Variants in SCIN observed in about 807,000 individuals in gnomAD.
The protein encoded by SCIN is adseverin.
In SCIN, 91 loss-of-function variants were observed where a neutral mutation model predicts 91.8. The observed-to-expected ratio is 0.99, with a 90% CI of 0.84 to 1.18. The LOEUF is 1.18. Among genes scored for constraint, SCIN ranks in the 50% most tolerant of loss-of-function variants. The pLI is 0.00. For synonymous variants in SCIN, 367 were observed against 312.6 expected, an observed-to-expected ratio of 1.17 and a Z score of -1.84; for missense variants, 1,087 against 863.9, an observed-to-expected ratio of 1.26 and a Z score of -3.24.
intron 13 of SCIN, among the ~76,000 whole-genome samples, chr7:12,648,389 C>A (rs760075212): frequency 6.6e-6 from 1 of 151,476 alleles, no homozygotes; most frequent in Non-Finnish European, 1.5e-5. Flanking sequence ...CTCCACCTCC[C>A]AGGTTCAAGC....
At chr7:12,580,084 A>G (rs1366643148) in intron 2 of SCIN, among the ~76,000 whole-genome samples, 1 of 152,100 alleles carries the variant, frequency 6.6e-6, no homozygotes, top group Admixed American at 6.6e-5. Flanking sequence ...AATCTATACC[A>G]ACTTTTATTG....
chr7:12,593,085 C>T (rs1266904508), intron 3 of SCIN, among the ~76,000 whole-genome samples: 1 of 152,216 alleles, frequency 6.6e-6, no homozygotes, highest in Non-Finnish European at 1.5e-5. Flanking sequence ...GACAGTCAGA[C>T]TTCCAGTGCC....
chr7:12,628,388 T>G lies in SCIN; in HGVS notation c.1198-713T>G, dbSNP rs374835461. On this transcript the variant is annotated intron_variant, in intron 8 of 15. Transcript: ENST00000297029. ...AGTCTGGAGGCTGGGGAGTCTAAGC[T>G]CAAGGTTTTGATGGGCTCAGTGTTT... Among the ~76,000 whole-genome samples the G allele has an allele frequency of 3.3e-5, 5 of 152,256 alleles. No individual in the cohort carries two copies. In the East Asian group the frequency reaches 5.8e-4, roughly 18 times the overall value.
intron 3 of SCIN, 50 bp downstream of exon 3, chr7:12,581,271 CG>C: frequency 6.6e-7 from 1 of 1,510,034 alleles, no homozygotes; most frequent in South Asian, 1.2e-5. Context: ...GAATTGCTTT[CG>C]GATCAAATCA....
At position 12,651,745 on chromosome 7, in the gene SCIN, T is replaced by G; in HGVS notation, c.1960-96T>G. ...TAACTTCTGCGGATATTGTGAAGAT[T>G]GAATGAGCAATGTGTGTGTGAAGCA... On this transcript the variant is annotated intron_variant, in intron 14 of 15. Transcript: ENST00000297029. This position sits in a 1 kb window ranked among gnomAD's most constrained non-coding sequence, Gnocchi z 5.9. 1 of 734,360 alleles carries G rather than the reference T, an allele frequency of 1.4e-6. No individual in the cohort carries two copies. The highest frequency in any genetic ancestry group is 2.3e-6 in the Non-Finnish European group (1 of 438,388). The allele number at this position is 734,360 out of a possible 1,614,324, so 45.5% of individuals were successfully genotyped here.
chr7:12,575,664 A>G (rs1782355599), intron 1 of SCIN, among the ~76,000 whole-genome samples: 1 of 152,200 alleles, frequency 6.6e-6, no homozygotes, highest in African/African-American at 2.4e-5. Flanking sequence ...GTCTAACATA[A>G]TATAAAATAA....
In SCIN at chr7:12,570,758, C is replaced by CG. The variant is rs1782247612; in HGVS notation, c.-28dup. On this transcript the variant is annotated 5_prime_UTR_variant, in exon 1 of 16. Coordinates refer to ENST00000297029, the MANE Select transcript of SCIN (RefSeq NM_001112706.3). ...TTAGTCCAAGATCAGCGATATCACG[C>CG]GTCCCCCGGAGCATCGCGTGCAGGA... The CG allele has an allele frequency of 6.5e-7, 1 of 1,544,398 alleles. No homozygotes were observed. The highest frequency in any genetic ancestry group is 1.4e-5 in the African/African-American group (1 of 72,980).
Position 12,639,103 on chromosome 7 carries a change from G to A in SCIN, c.1411-1244G>A, listed in dbSNP as rs1007644530. On this transcript the variant is annotated intron_variant, in intron 10 of 15. Coordinates refer to ENST00000297029, the MANE Select transcript of SCIN (RefSeq NM_001112706.3). ...AAACTAAAGTATTGCGGTTTTCAAC[G>A]CTCCTTTGTAGAATATATTAACCAT... Among the ~76,000 whole-genome samples, 4 of 152,070 alleles carry A rather than the reference G, an allele frequency of 2.6e-5. No individual in the cohort carries two copies. In the East Asian group the frequency reaches 7.7e-4, roughly 29 times the overall value.
At chr7:12,573,165 A>G (rs941962674) in intron 1 of SCIN, among the ~76,000 whole-genome samples, 1 of 152,216 alleles carries the variant, frequency 6.6e-6, no homozygotes, top group Non-Finnish European at 1.5e-5. Flanking sequence ...TTCATCCAAA[A>G]TAGTGTAGTC....
At chr7:12,626,182 G>A (rs1783518176) in intron 7 of SCIN, 1 of 314,520 alleles carries the variant, frequency 3.2e-6, no homozygotes, top group Non-Finnish European at 5.8e-6. Flanking sequence ...CTGAAACCCA[G>A]ATGATATTTG....
chr7:12,605,329 A>T (rs748306248), intron 4 of SCIN, among the ~76,000 whole-genome samples: 7 of 152,078 alleles, frequency 4.6e-5, no homozygotes, highest in African/African-American at 1.7e-4. Flanking sequence ...GATTACAGGC[A>T]TGAGCCACCC....
At chr7:12,613,231 T>C (rs1004194703) in intron 4 of SCIN, among the ~76,000 whole-genome samples, 58 of 152,190 alleles carry the variant, frequency 3.8e-4, no homozygotes, top group Admixed American at 6.5e-4. Flanking sequence ...CTGTATTTTT[T>C]CAGTAATTTT....
At position 12,636,121 on chromosome 7, in the gene SCIN, G is replaced by A. The variant is rs1487965454; in HGVS notation, c.1396G>A (p.Gly466Arg). The A allele has an allele frequency of 2.5e-6, 4 of 1,612,334 alleles. No individual in the cohort carries two copies. The South Asian group carries it at 4.4e-5, about 18-fold the overall frequency. ...TGTTCAGTTGGATCGGTCCCTTGGA[G>A]GACAGGCTGTGCAGGTTGGGATATT... ...LTVQLDRSLG[G>R]QAVQIRVSQG... Residue 466 changes from glycine (G) to arginine (R), a missense_variant, in exon 10 of 16, where the codon GGA becomes AGA. Coordinates refer to ENST00000297029, the MANE Select transcript of SCIN (RefSeq NM_001112706.3).
In SCIN at chr7:12,613,742, T is replaced by C. The variant is rs567101472; in HGVS notation, c.667-9059T>C. On this transcript the variant is annotated intron_variant, in intron 4 of 15. Transcript: ENST00000297029. Reference sequence around the variant, plus strand: ...TTAGAATTACATTATTTTGAAAAAATGTATATGTAATAATATGTTTATTTA... The same window carrying C: ...TTAGAATTACATTATTTTGAAAAAACGTATATGTAATAATATGTTTATTTA... Among the ~76,000 whole-genome samples, 7 of 152,226 alleles carry C rather than the reference T, an allele frequency of 4.6e-5. No homozygotes were observed. The South Asian group carries it at 1.5e-3, about 32-fold the overall frequency.
intron 10 of SCIN, among the ~76,000 whole-genome samples, chr7:12,638,233 G>A (rs1275126318): frequency 6.6e-6 from 1 of 152,154 alleles, no homozygotes; most frequent in East Asian, 1.9e-4. Flanking sequence ...CATTCTGTGA[G>A]AGAGTACTTT....
At chr7:12,652,521 T>G (rs1784100398) in intron 15 of SCIN, 67 bp from the exon 16 acceptor site, 2 of 1,414,544 alleles carry the variant, frequency 1.4e-6, no homozygotes. Context: ...CGAAGAATTT[T>G]CAATCTGCAG....
intron 1 of SCIN, among the ~76,000 whole-genome samples, chr7:12,577,384 A>G (rs556005908): frequency 9.2e-5 from 14 of 152,308 alleles, no homozygotes; most frequent in African/African-American, 3.4e-4. Flanking sequence ...AAAATCAAAG[A>G]TTTATCCTAA....
chr7:12,644,182 C>G lies in SCIN; in HGVS notation c.1626C>G (p.Val542=), dbSNP rs186991856. ...CACTGAATTCTAACGATGTTTTTGT[C>G]CTGAAACTGCCACAAAATAGTGGCT... is the stretch of plus-strand genomic sequence containing the variant. ...ANSLNSNDVF[V]LKLPQNSGYI... The change falls in exon 12 of 16, where the codon GTC becomes GTG. Residue 542 remains valine, a synonymous_variant. Coordinates refer to ENST00000297029, the MANE Select transcript of SCIN (RefSeq NM_001112706.3). 2,423 of 1,612,786 alleles carry G rather than the reference C, an allele frequency of 1.5e-3. 5 individuals carry two copies. The highest frequency in any genetic ancestry group is 7.3e-3 in the Middle Eastern group (44 of 6,060).
intron 4 of SCIN, among the ~76,000 whole-genome samples, chr7:12,608,456 T>C (rs1366968615): frequency 6.6e-6 from 1 of 152,124 alleles, no homozygotes; most frequent in East Asian, 1.9e-4. Context: ...ATTTTTCAAA[T>C]ATATTTTAAA....
Sources: allele counts gnomAD v4.1 joint callset (sites outside exome capture counted in the v4.1 genomes callset), GRCh38; gene constraint gnomAD v4.1.1; non-coding constraint Gnocchi (gnomAD v3.1); transcripts MANE v1.5; gene names NCBI Gene and HGNC (gene_info 2026-07-23, HGNC 2026-07-21).